The following DTD1 variants were observed in gnomAD, a reference collection of about 807,000 sequenced individuals.
DTD1 encodes the protein D-tyrosyl-tRNA deacylase 1 homolog.
A neutral mutation model predicts 25.6 loss-of-function variants in DTD1; 13 were observed. That is an observed-to-expected ratio of 0.51 (90% confidence interval 0.33 to 0.81). DTD1 has a LOEUF of 0.81. Ranked by LOEUF, DTD1 falls within the 30% of genes least tolerant of loss-of-function variation. DTD1 has a pLI of 0.02. For missense variants in DTD1, 193 were observed against 266.4 expected (o/e 0.72, Z 1.92); for synonymous variants, 110 against 103.6 (o/e 1.06, Z -0.37).
intron 3 of DTD1, among the ~76,000 whole-genome samples, chr20:18,607,236 T>C (rs2060663630): frequency 1.3e-5 from 2 of 152,120 alleles, no homozygotes. Context: ...CAATCTTGGC[T>C]CTGCAACCTC....
At chr20:18,628,467 G>A (rs1202462486) in intron 4 of DTD1, among the ~76,000 whole-genome samples, 1 of 152,178 alleles carries the variant, frequency 6.6e-6, no homozygotes, top group East Asian at 1.9e-4. Flanking sequence ...GACATGTCCT[G>A]TGCAGAGCCA....
chr20:18,763,258 A>G (rs1600229021), intron 5 of DTD1, 102 bp from the exon 6 acceptor site: 1 of 152,646 alleles, frequency 6.6e-6, no homozygotes, highest in African/African-American at 2.4e-5. Context: ...GCTTGAAAAC[A>G]TATCTTCAGC....
At chr20:18,745,464 C>T (rs2061296257) in intron 5 of DTD1, among the ~76,000 whole-genome samples, 1 of 152,172 alleles carries the variant, frequency 6.6e-6, no homozygotes, top group African/African-American at 2.4e-5. Context: ...AGTTATACTA[C>T]AGCACGGTGC....
At chr20:18,593,127 T>C (rs2060597077) in intron 1 of DTD1, among the ~76,000 whole-genome samples, 1 of 152,056 alleles carries the variant, frequency 6.6e-6, no homozygotes, top group African/African-American at 2.4e-5. Context: ...TTGAAAAATA[T>C]TTGGAGATCA....
At chr20:18,622,866 C>T (rs1181844761) in intron 3 of DTD1, among the ~76,000 whole-genome samples, 1 of 152,004 alleles carries the variant, frequency 6.6e-6, no homozygotes, top group Non-Finnish European at 1.5e-5. Flanking sequence ...CCCGCAAGTT[C>T]CTCTGGGCAG....
rs558856097 is a variant in DTD1, at chr20:18,672,285, T to TA, written c.477+44062dup. Among the ~76,000 whole-genome samples the TA allele has an allele frequency of 6.1e-4, 91 of 150,096 alleles. 1 individual carries two copies. The East Asian group carries it at 0.012, about 20-fold the overall frequency. ...ATCATTGTTACAAGACAAAGAAAAT[T>TA]AAAAAAAAAATCAACCTGTTTAGAG... On this transcript the variant is annotated intron_variant, in intron 4 of 5. Transcript: ENST00000377452.
At position 18,589,458 on chromosome 20, in the gene DTD1, T is replaced by G. The variant is rs533127414; in HGVS notation, c.43+1343T>G. Among the ~76,000 whole-genome samples, 272 of 152,246 alleles carry G rather than the reference T, an allele frequency of 1.8e-3. 1 individual carries two copies. Among genetic ancestry groups the G allele is most frequent in the South Asian group, 0.011 (52 of 4,816 alleles). On this transcript the variant is annotated intron_variant, in intron 1 of 5. Coordinates refer to ENST00000377452, the MANE Select transcript of DTD1 (RefSeq NM_080820.6). ...CCCACCAAAACCGTATATTTAAATC[T>G]AAGAGTCTATTTTTCAACCCCGCCT...
intron 4 of DTD1, among the ~76,000 whole-genome samples, chr20:18,656,952 A>G (rs1421282493): frequency 6.6e-6 from 1 of 152,228 alleles, no homozygotes; most frequent in Non-Finnish European, 1.5e-5. Flanking sequence ...TTGTCATACA[A>G]AAAAAGTTGC....
At position 18,596,202 on chromosome 20, in the gene DTD1, G is replaced by C; in HGVS notation, c.331G>C (p.Glu111Gln). Residue 111 changes from glutamate (E) to glutamine (Q), a missense_variant, in exon 3 of 6, where the codon GAG (glutamate) becomes CAG (glutamine). Glu to Gln is a conservative substitution (Grantham distance 29). Coordinates refer to ENST00000377452, the MANE Select transcript of DTD1 (RefSeq NM_080820.6). ...QAEGFYNSFL[E>Q]QLRKTYRPEL... Reference sequence around the variant, plus strand: ...AGAGGGCTTCTACAACAGCTTCCTGGAGCAGCTGCGTAAAACATACAGGCC... The same window carrying C: ...AGAGGGCTTCTACAACAGCTTCCTGCAGCAGCTGCGTAAAACATACAGGCC... 2 of 1,614,114 alleles carry C rather than the reference G, an allele frequency of 1.2e-6. No homozygotes were observed. The highest frequency in any genetic ancestry group is 1.7e-6 in the Non-Finnish European group (2 of 1,180,014).
chr20:18,682,083 A>G (rs1330384589), intron 4 of DTD1, among the ~76,000 whole-genome samples: 1 of 152,188 alleles, frequency 6.6e-6, no homozygotes, highest in African/African-American at 2.4e-5. Context: ...GTGGGCTTAG[A>G]TGAGTTACAA....
chr20:18,657,020 T>C (rs1328457094), intron 4 of DTD1, among the ~76,000 whole-genome samples: 1 of 152,236 alleles, frequency 6.6e-6, no homozygotes, highest in Non-Finnish European at 1.5e-5. Flanking sequence ...ATGGTTGTTT[T>C]TTTTGTAACT....
chr20:18,709,384 T>C (rs761924100), intron 4 of DTD1, among the ~76,000 whole-genome samples: 1 of 152,182 alleles, frequency 6.6e-6, no homozygotes, highest in African/African-American at 2.4e-5. Context: ...TGGGTAAAGA[T>C]GGTTGCCATT....
intron 2 of DTD1, among the ~76,000 whole-genome samples, chr20:18,594,061 T>C (rs537592999): frequency 3.0e-4 from 45 of 152,364 alleles, no homozygotes; most frequent in African/African-American, 1.1e-3. Context: ...TGTTTGCTAC[T>C]GTGGCCTCAG....
Position 18,588,067 on chromosome 20 carries a change from G to A in DTD1, c.-6G>A, listed in dbSNP as rs982877093. ...CGGCGCCGCCCCACTCGCCCCAGCC[G>A]CCGCCATGAAGGCCGTGGTGCAGCG... On this transcript the variant is annotated 5_prime_UTR_variant, in exon 1 of 6. Coordinates refer to ENST00000377452, the MANE Select transcript of DTD1 (RefSeq NM_080820.6). The A allele has an allele frequency of 8.6e-6, 12 of 1,398,872 alleles. No individual in the cohort carries two copies. Among genetic ancestry groups the A allele is most frequent in the East Asian group, 6.2e-5 (2 of 32,388 alleles). 86.7% of individuals were successfully genotyped at this position (1,398,872 alleles called of 1,614,324 possible).
intron 4 of DTD1, chr20:18,631,660 A>G (rs1412766696): frequency 1.4e-5 from 14 of 985,130 alleles, no homozygotes; most frequent in East Asian, 1.1e-4. Flanking sequence ...ACTGCTGCCC[A>G]CTTTTGCCCC....
intron 4 of DTD1, among the ~76,000 whole-genome samples, chr20:18,659,869 A>G (rs191423577): frequency 2.6e-5 from 4 of 152,248 alleles, no homozygotes; most frequent in African/African-American, 9.6e-5. Flanking sequence ...ATGTATACCT[A>G]TGTTAGCAAA....
At chr20:18,654,995 A>T (rs892425559) in intron 4 of DTD1, among the ~76,000 whole-genome samples, 1 of 152,230 alleles carries the variant, frequency 6.6e-6, no homozygotes, top group South Asian at 2.1e-4. Context: ...ATAAATGCTT[A>T]TGAATCATGC....
chr20:18,639,406 C>A (rs1040077848), intron 4 of DTD1, among the ~76,000 whole-genome samples: 11 of 152,096 alleles, frequency 7.2e-5, no homozygotes, highest in African/African-American at 2.7e-4. Flanking sequence ...GTCATAGGAG[C>A]TTGTCAGAAA....
intron 5 of DTD1, among the ~76,000 whole-genome samples, chr20:18,761,077 A>G (rs1042933849): frequency 1.3e-4 from 20 of 152,036 alleles, no homozygotes; most frequent in African/African-American, 4.6e-4. Context: ...TGCTAAGACC[A>G]TTGCAAAAGC....
Sources: allele counts gnomAD v4.1 joint callset (sites outside exome capture counted in the v4.1 genomes callset), GRCh38; gene constraint gnomAD v4.1.1; transcripts MANE v1.5; gene names NCBI Gene and HGNC (gene_info 2026-07-23, HGNC 2026-07-21).